DACH1: variants seen among roughly 807,000 people sequenced by gnomAD.
DACH1 encodes dachshund homolog 1.
A neutral mutation model predicts 54.2 loss-of-function variants in DACH1; 12 were observed. The ratio of observed to expected loss-of-function variants is 0.22; its 90% CI spans 0.14 to 0.36. DACH1 has a LOEUF of 0.36. DACH1 is among the 10% of genes least tolerant of loss of function. DACH1 has a pLI of 1.00. For missense variants in DACH1, 805 were observed against 929.8 expected, an observed-to-expected ratio of 0.87 and a Z score of 1.75; for synonymous variants, 386 against 366.2, an observed-to-expected ratio of 1.05 and a Z score of -0.62.
intron 1 of DACH1, among the ~76,000 whole-genome samples, chr13:71,769,603 G>A (rs1885771676): frequency 6.6e-6 from 1 of 151,564 alleles, no homozygotes; most frequent in Non-Finnish European, 1.5e-5. Flanking sequence ...TTAACCAAAT[G>A]TAGTAAAAGA....
chr13:71,798,270 G>A (rs60977603), intron 1 of DACH1, among the ~76,000 whole-genome samples: 1,867 of 144,060 alleles, frequency 0.013, 46 homozygotes, highest in African/African-American at 0.045. Flanking sequence ...TCCCCTTTCC[G>A]GCATCAAGCA....
At chr13:71,722,633 T>A (rs1431175854) in intron 1 of DACH1, among the ~76,000 whole-genome samples, 1 of 152,222 alleles carries the variant, frequency 6.6e-6, no homozygotes, top group South Asian at 2.1e-4. Context: ...TTTATTATTT[T>A]ATCTTGCTAG....
At chr13:71,553,817 G>A (rs889882679) in intron 6 of DACH1, among the ~76,000 whole-genome samples, 5 of 151,384 alleles carry the variant, frequency 3.3e-5, no homozygotes, top group African/African-American at 1.2e-4. Context: ...CTAATAGAAT[G>A]GAGCCCATAG....
chr13:71,710,355 C>A (rs550055262), intron 1 of DACH1, among the ~76,000 whole-genome samples: 3 of 151,842 alleles, frequency 2.0e-5, no homozygotes, highest in Admixed American at 2.0e-4. Flanking sequence ...CAAATTGGAC[C>A]ATTGAGAGGG....
intron 1 of DACH1, among the ~76,000 whole-genome samples, chr13:71,788,553 G>T (rs1439059700): frequency 6.6e-6 from 1 of 151,714 alleles, no homozygotes; most frequent in Non-Finnish European, 1.5e-5. Flanking sequence ...CTGCTATAGG[G>T]TAGTTTACTG....
intron 1 of DACH1, among the ~76,000 whole-genome samples, chr13:71,727,556 A>T (rs1306065504): frequency 6.6e-6 from 1 of 152,110 alleles, no homozygotes. Context: ...TGTGTTTGAT[A>T]TGTACAAAGA....
intron 6 of DACH1, among the ~76,000 whole-genome samples, chr13:71,555,895 T>C (rs963495029): frequency 1.3e-5 from 2 of 152,188 alleles, no homozygotes; most frequent in Admixed American, 1.3e-4. Context: ...TTAATGTCTC[T>C]ATTTCTCAAT....
intron 2 of DACH1, among the ~76,000 whole-genome samples, chr13:71,662,221 G>A (rs935993127): frequency 6.6e-6 from 1 of 152,118 alleles, no homozygotes; most frequent in South Asian, 2.1e-4. Context: ...GTACACAGAG[G>A]TTTTGTTCCC....
intron 2 of DACH1, among the ~76,000 whole-genome samples, chr13:71,640,127 G>A (rs1008255395): frequency 6.6e-6 from 1 of 151,866 alleles, no homozygotes; most frequent in Non-Finnish European, 1.5e-5. Flanking sequence ...CTGACCACAC[G>A]GATTCTATGA....
chr13:71,832,994 T>C (rs770851059), intron 1 of DACH1, among the ~76,000 whole-genome samples: 5 of 151,972 alleles, frequency 3.3e-5, no homozygotes, highest in African/African-American at 4.8e-5. Context: ...TATTTTTATT[T>C]TTAATGAAAT....
intron 2 of DACH1, among the ~76,000 whole-genome samples, chr13:71,634,611 TA>T (rs1045435030): frequency 3.3e-5 from 5 of 152,174 alleles, no homozygotes; most frequent in Admixed American, 6.5e-5. Flanking sequence ...TCCTGACTCT[TA>T]ACTATCTACC....
At chr13:71,560,329 C>T (rs1490681616) in intron 4 of DACH1, among the ~76,000 whole-genome samples, 1 of 152,062 alleles carries the variant, frequency 6.6e-6, no homozygotes, top group Non-Finnish European at 1.5e-5. Context: ...TAAATATATT[C>T]CCTTATTTCT....
At chr13:71,645,426 T>C (rs1470999856) in intron 2 of DACH1, among the ~76,000 whole-genome samples, 1 of 152,206 alleles carries the variant, frequency 6.6e-6, no homozygotes, top group Admixed American at 6.5e-5. Context: ...ATTTCAATCA[T>C]CTCATTTACT....
chr13:71,772,799 C>T (rs1885913689), intron 1 of DACH1, among the ~76,000 whole-genome samples: 1 of 151,546 alleles, frequency 6.6e-6, no homozygotes, highest in South Asian at 2.1e-4. Flanking sequence ...AAAGTTTCTT[C>T]CAAATACAAC....
chr13:71,537,616 C>CCA (rs1404581178), intron 6 of DACH1, among the ~76,000 whole-genome samples: 3 of 151,982 alleles, frequency 2.0e-5, no homozygotes, highest in African/African-American at 7.2e-5. Context: ...GTTAGAGTTC[C>CCA]ATAGAGAGAA....
At chr13:71,662,219 AG>A (rs1404556583) in intron 2 of DACH1, among the ~76,000 whole-genome samples, 4 of 152,064 alleles carry the variant, frequency 2.6e-5, no homozygotes, top group African/African-American at 9.7e-5. Context: ...CGGTACACAG[AG>A]GTTTTGTTCC....
At chr13:71,626,397 C>T (rs1594008626) in intron 3 of DACH1, among the ~76,000 whole-genome samples, 1 of 151,830 alleles carries the variant, frequency 6.6e-6, no homozygotes, top group African/African-American at 2.4e-5. Flanking sequence ...TAAAACATAG[C>T]TATAGACACT....
At chr13:71,514,400 G>T (rs973576612) in intron 6 of DACH1, among the ~76,000 whole-genome samples, 1 of 151,778 alleles carries the variant, frequency 6.6e-6, no homozygotes, top group South Asian at 2.1e-4. Flanking sequence ...TTTATTTACG[G>T]TTAGTAAGGA....
At chr13:71,642,361 T>C (rs988257798) in intron 2 of DACH1, among the ~76,000 whole-genome samples, 12 of 152,338 alleles carry the variant, frequency 7.9e-5, no homozygotes, top group African/African-American at 2.9e-4. Context: ...AAAAGCTTCG[T>C]GAGAAACACC....
Sources: gnomAD v4.1 joint callset for allele counts (sites outside exome capture counted in the v4.1 genomes callset) on GRCh38, gnomAD v4.1.1 for gene constraint, MANE v1.5 for transcripts, NCBI Gene and HGNC (gene_info 2026-07-23, HGNC 2026-07-21) for gene names.